Variants in MARCHF1 observed in about 807,000 individuals in gnomAD.
The protein encoded by MARCHF1 is E3 ubiquitin-protein ligase MARCHF1.
MARCHF1 carries 40 observed loss-of-function variants against 54.2 expected under a neutral mutation model. The observed-to-expected ratio is 0.74, with a 90% CI of 0.57 to 0.96. The LOEUF is 0.96. Among genes scored for constraint, MARCHF1 ranks in the 40% least tolerant of loss-of-function variants. The probability of loss-of-function intolerance (pLI) is 0.00; values close to 1 mark genes in which losing one functional copy is unlikely to be tolerated. For synonymous variants in MARCHF1, 236 were observed against 236.3 expected (o/e 1.00, Z 0.01); for missense variants, 586 against 656.5 (o/e 0.89, Z 1.17).
chr4:163,720,106 C>T (rs544479471), intron 4 of MARCHF1, among the ~76,000 whole-genome samples: 38 of 152,264 alleles, frequency 2.5e-4, no homozygotes, highest in Non-Finnish European at 4.0e-4. Flanking sequence ...CTTGCCCACG[C>T]CTATGTCCTG....
chr4:164,101,329 G>T (rs1755552965), intron 2 of MARCHF1, among the ~76,000 whole-genome samples: 1 of 146,812 alleles, frequency 6.8e-6, no homozygotes, highest in Admixed American at 6.9e-5. Flanking sequence ...CAAACAAAAA[G>T]ACAGCAGTAA....
At chr4:163,648,144 C>G (rs2111059421) in intron 5 of MARCHF1, among the ~76,000 whole-genome samples, 1 of 151,856 alleles carries the variant, frequency 6.6e-6, no homozygotes, top group East Asian at 1.9e-4. Flanking sequence ...AAAAATAAAA[C>G]TTGGGATTTT....
At chr4:164,258,302 CTGGT>C (rs968209295) in intron 1 of MARCHF1, among the ~76,000 whole-genome samples, 49 of 151,918 alleles carry the variant, frequency 3.2e-4, no homozygotes, top group African/African-American at 1.2e-3. Flanking sequence ...ATGTAGATGA[CTGGT>C]TGATGGGTGC....
At chr4:163,712,212 T>C (rs1745127082) in intron 4 of MARCHF1, among the ~76,000 whole-genome samples, 1 of 152,232 alleles carries the variant, frequency 6.6e-6, no homozygotes, top group African/African-American at 2.4e-5. Flanking sequence ...AATGGCCATA[T>C]ATTTTTTAAG....
intron 4 of MARCHF1, among the ~76,000 whole-genome samples, chr4:163,790,375 CT>C (rs1406846739): frequency 1.3e-5 from 2 of 152,042 alleles, no homozygotes; most frequent in African/African-American, 4.8e-5. Context: ...AAACTAACCA[CT>C]TGATAGAAGG....
In MARCHF1 at chr4:164,106,925, C is replaced by G. The variant is rs573819535; in HGVS notation, c.-248+4663G>C. Among the ~76,000 whole-genome samples, 9 of 152,190 alleles carry G rather than the reference C, an allele frequency of 5.9e-5. No individual in the cohort carries two copies. In the South Asian group the frequency reaches 1.9e-3, roughly 32 times the overall value. ...TTTAAATTTTGTCCAAGGTATCTAT[C>G]AAAGGCTGATACAAGAAACAACCAT... On this transcript the variant is annotated intron_variant, in intron 2 of 9. Coordinates refer to ENST00000514618, the MANE Select transcript of MARCHF1 (RefSeq NM_001394959.1).
chr4:163,832,203 A>G (rs1251271040), intron 4 of MARCHF1, among the ~76,000 whole-genome samples: 1 of 152,204 alleles, frequency 6.6e-6, no homozygotes, highest in East Asian at 1.9e-4. Context: ...AAAACAGACA[A>G]ATTGTGATGC....
chr4:164,036,042 G>T (rs1194866922), intron 2 of MARCHF1, among the ~76,000 whole-genome samples: 2 of 147,392 alleles, frequency 1.4e-5, no homozygotes, highest in Admixed American at 6.8e-5. Context: ...GGCAGAGGTT[G>T]CAGTGAGCCA....
In MARCHF1 at chr4:163,620,030, G is replaced by T. The variant is rs149929780; in HGVS notation, c.163-6637C>A. On this transcript the variant is annotated intron_variant, in intron 5 of 9. Coordinates refer to ENST00000514618, the MANE Select transcript of MARCHF1 (RefSeq NM_001394959.1). ...TTATTGCATATATGATAGCCAAATA[G>T]CTAATTTCTCTAGTATTTGGAGATC... 6.8e-4 allele frequency among the ~76,000 whole-genome samples: 104 copies of T among 152,162 alleles called. 1 individual carries two copies. Among genetic ancestry groups the T allele is most frequent in the African/African-American group, 2.4e-3 (100 of 41,524 alleles).
intron 7 of MARCHF1, among the ~76,000 whole-genome samples, chr4:163,592,326 G>A (rs1053702625): frequency 3.9e-5 from 6 of 152,120 alleles, no homozygotes; most frequent in South Asian, 2.1e-4. Flanking sequence ...CAAAAAAGCT[G>A]CTACATAGCA....
chr4:164,244,941 G>C (rs1732894880), intron 1 of MARCHF1, among the ~76,000 whole-genome samples: 3 of 152,080 alleles, frequency 2.0e-5, no homozygotes, highest in South Asian at 4.2e-4. Flanking sequence ...ACCAATAACA[G>C]GAGCTGAAAT....
intron 9 of MARCHF1, among the ~76,000 whole-genome samples, chr4:163,541,166 A>G (rs1560930585): frequency 2.0e-5 from 3 of 152,182 alleles, no homozygotes. Context: ...ACATTTTTTG[A>G]GCCTCTACTA....
In MARCHF1 at chr4:164,126,391, A is replaced by C. The variant is rs182020023; in HGVS notation, c.-322-14729T>G. ...TCCAGTGCTCAATATTGGATGTCCC[A>C]GTCTCCAGAACTGTGAGGAAAAGAA... On this transcript the variant is annotated intron_variant, in intron 1 of 9. Transcript: ENST00000514618. Among the ~76,000 whole-genome samples, 617 of 152,346 alleles carry C rather than the reference A, an allele frequency of 4.0e-3. 1 individual carries two copies. The highest frequency in any genetic ancestry group is 7.1e-3 in the Non-Finnish European group (483 of 68,028).
At chr4:163,886,457 T>C (rs1750541373) in intron 3 of MARCHF1, among the ~76,000 whole-genome samples, 1 of 151,752 alleles carries the variant, frequency 6.6e-6, no homozygotes, top group African/African-American at 2.4e-5. Flanking sequence ...AACCAAAAAA[T>C]TGTGTAACTA....
At chr4:164,214,036 T>C (rs1389211562) in intron 1 of MARCHF1, among the ~76,000 whole-genome samples, 1 of 152,118 alleles carries the variant, frequency 6.6e-6, no homozygotes, top group African/African-American at 2.4e-5. Flanking sequence ...ATAACTCCTG[T>C]ATATGTTTAT....
chr4:163,641,661 A>C (rs1425792732), intron 5 of MARCHF1, among the ~76,000 whole-genome samples: 1 of 152,182 alleles, frequency 6.6e-6, no homozygotes, highest in Non-Finnish European at 1.5e-5. Context: ...ACTTTTGTTA[A>C]GGAGCACAAA....
intron 3 of MARCHF1, among the ~76,000 whole-genome samples, chr4:163,958,329 T>C (rs1387704697): frequency 6.6e-6 from 1 of 152,002 alleles, no homozygotes; most frequent in Non-Finnish European, 1.5e-5. Context: ...TCCATCTCTT[T>C]ACACTAGAAA....
intron 1 of MARCHF1, among the ~76,000 whole-genome samples, chr4:164,336,396 G>C (rs931285023): frequency 2.6e-5 from 4 of 152,126 alleles, no homozygotes; most frequent in Admixed American, 1.3e-4. Flanking sequence ...CATTGAAGAA[G>C]GATTTACCAG....
In MARCHF1 at chr4:163,612,661, A is replaced by T. The variant is rs558586255; in HGVS notation, c.620T>A (p.Ile207Asn). The T allele has an allele frequency of 6.5e-7, 1 of 1,535,562 alleles. No homozygotes were observed. Among genetic ancestry groups the T allele is most frequent in the East Asian group, 2.4e-5 (1 of 40,886 alleles). Residue 207 changes from isoleucine to asparagine, a missense_variant, in exon 7 of 10, where the codon ATT becomes AAT. Ile to Asn is a moderately radical substitution (Grantham distance 149). This residue lies in a region of MARCHF1 where 387 missense variants were observed against 394.6 expected (regional missense o/e 0.98). Transcript: ENST00000514618. ...TTTGGATCCCAGATCAACGAGCTCA[A>T]TTCCGTTAGGAGTGGAAGACCCAGC... ...NLAGSSTPNG[I>N]ELVDLGSKGK... is the part of the protein sequence containing the mutation.
Sources: allele counts gnomAD v4.1 joint callset (sites outside exome capture counted in the v4.1 genomes callset), GRCh38; gene constraint gnomAD v4.1.1; regional missense constraint gnomAD v4.1.1; transcripts MANE v1.5; gene names NCBI Gene and HGNC (gene_info 2026-07-23, HGNC 2026-07-21).